KIAA0040: variants seen among roughly 807,000 people sequenced by gnomAD.
The protein encoded by KIAA0040 is uncharacterized protein KIAA0040.
A neutral mutation model predicts 7.2 loss-of-function variants in KIAA0040; 10 were observed. The observed-to-expected ratio is 1.38, with a 90% CI of 0.85 to 2.34. The LOEUF is 2.34. Among genes scored for constraint, KIAA0040 ranks in the 30% most tolerant of loss-of-function variants. KIAA0040 has a pLI of 0.00. For missense variants in KIAA0040, 89 were observed against 108.2 expected, an observed-to-expected ratio of 0.82 and a Z score of 0.79; for synonymous variants, 49 against 40.1, an observed-to-expected ratio of 1.22 and a Z score of -0.84.
intron 1 of KIAA0040, among the ~76,000 whole-genome samples, chr1:175,192,341 C>G (rs1264273947): frequency 6.6e-6 from 1 of 152,174 alleles, no homozygotes; most frequent in African/African-American, 2.4e-5. Flanking sequence ...TTCCATGTGT[C>G]CCCTTCAAAG....
chr1:175,164,296 T>C (rs954610232), intron 3 of KIAA0040, among the ~76,000 whole-genome samples: 1 of 152,240 alleles, frequency 6.6e-6, no homozygotes, highest in African/African-American at 2.4e-5. Context: ...TTTCATGCAC[T>C]GTTGGGTGTT....
chr1:175,162,449 C>T (rs1001087629), intron 3 of KIAA0040, among the ~76,000 whole-genome samples: 4 of 152,012 alleles, frequency 2.6e-5, no homozygotes, highest in Admixed American at 6.5e-5. Context: ...CAGCACTCTC[C>T]GCAGGCTGCC....
chr1:175,158,244 T>A lies in KIAA0040; in HGVS notation c.*2470A>T, dbSNP rs1320155997. ...CCATTCTGGGTTTGGCTCTTCTGAGTCATCGGCTGTGGAAGTGACTGAGAA... is the reference window on the plus strand; with the variant it reads ...CCATTCTGGGTTTGGCTCTTCTGAGACATCGGCTGTGGAAGTGACTGAGAA... On this transcript the variant is annotated 3_prime_UTR_variant, in exon 4 of 4. Coordinates refer to ENST00000423313, the MANE Select transcript of KIAA0040 (RefSeq NM_014656.3). 1 of 152,278 alleles carries A rather than the reference T, an allele frequency of 6.6e-6. No individual in the cohort carries two copies. The highest frequency in any genetic ancestry group is 2.4e-5 in the African/African-American group (1 of 41,408). 9.4% of individuals were successfully genotyped at this position (152,278 alleles called of 1,614,324 possible). A position where few individuals can be genotyped will look rare whatever the true frequency, so the allele number is the denominator to read the frequency against.
At chr1:175,188,338 T>C (rs1677743086) in intron 1 of KIAA0040, among the ~76,000 whole-genome samples, 1 of 152,174 alleles carries the variant, frequency 6.6e-6, no homozygotes, top group South Asian at 2.1e-4. Flanking sequence ...CTCAGACTGA[T>C]GTGGCGGAAA....
At chr1:175,187,856 T>C (rs1222736066) in intron 1 of KIAA0040, among the ~76,000 whole-genome samples, 4 of 152,168 alleles carry the variant, frequency 2.6e-5, no homozygotes, top group Non-Finnish European at 5.9e-5. Flanking sequence ...TTGTATGTTA[T>C]TTTCCTCTCT....
In KIAA0040 at chr1:175,160,709, C is replaced by A; in HGVS notation, c.*5G>T. On this transcript the variant is annotated 3_prime_UTR_variant, in exon 4 of 4. Coordinates refer to ENST00000423313, the MANE Select transcript of KIAA0040 (RefSeq NM_014656.3). ...AGAAAGGAAACACCTCTGCTTCCTG[C>A]CTAACTAAACAGGCAGTGATGGTCT... 1 of 1,542,450 alleles carries A rather than the reference C, an allele frequency of 6.5e-7. No individual in the cohort carries two copies.
At position 175,158,635 on chromosome 1, in the gene KIAA0040, C is replaced by T. The variant is rs2685; in HGVS notation, c.*2079G>A. 0.4 allele frequency: 61,283 copies of T among 151,992 alleles called. 12,759 individuals are homozygous for T. The highest frequency in any genetic ancestry group is 0.45 in the Non-Finnish European group (30,631 of 67,978). The allele number at this position is 151,992 out of a possible 1,614,324, so 9.4% of individuals were successfully genotyped here. On this transcript the variant is annotated 3_prime_UTR_variant, in exon 4 of 4. Coordinates refer to ENST00000423313, the MANE Select transcript of KIAA0040 (RefSeq NM_014656.3). The stretch of plus-strand genomic sequence containing the variant: ...GGTTTGGTGCAGGCAGATGGCAAGT[C>T]ATTCTGTTATGTGAAGGGCACAGCC...
intron 1 of KIAA0040, among the ~76,000 whole-genome samples, chr1:175,186,562 A>C (rs1485369583): frequency 1.3e-5 from 2 of 152,220 alleles, no homozygotes. Context: ...GGAGGACTGC[A>C]GTGCCTCTGT....
chr1:175,177,695 A>G lies in KIAA0040; in HGVS notation c.-383-11T>C, dbSNP rs975485860. ...AAAATGGGGAACAATCTAGAAGAAT[A>G]CACAAGAAAATGATAGCATGTACTG... On this transcript the variant is annotated splice_polypyrimidine_tract_variant and intron_variant, in intron 1 of 3. Transcript: ENST00000423313. The G allele has an allele frequency of 7.9e-5, 12 of 152,226 alleles. No individual in the cohort carries two copies. Among genetic ancestry groups the G allele is most frequent in the Non-Finnish European group, 1.6e-4 (11 of 68,028 alleles). The allele number at this position is 152,226 out of a possible 1,614,324, so 9.4% of individuals were successfully genotyped here.
chr1:175,162,813 A>G (rs984620679), intron 3 of KIAA0040, among the ~76,000 whole-genome samples: 10 of 152,174 alleles, frequency 6.6e-5, no homozygotes, highest in Admixed American at 1.3e-4. Flanking sequence ...CTCTCATGGC[A>G]TTATTTACAT....
chr1:175,188,194 G>A (rs377201798), intron 1 of KIAA0040, among the ~76,000 whole-genome samples: 2 of 152,190 alleles, frequency 1.3e-5, no homozygotes, highest in African/African-American at 2.4e-5. Flanking sequence ...TTTGGATGCC[G>A]CCATGTCCCT....
rs895587986 is a variant in KIAA0040 at position 175,161,023 on chromosome 1, C to T, written c.-10G>A. Reference sequence around the variant, plus strand: ...CACTGATTCTCTCCATGGTGCTTGGCTAGATTAGGGCCAGAGAACCCTCTC... The same window carrying T: ...CACTGATTCTCTCCATGGTGCTTGGTTAGATTAGGGCCAGAGAACCCTCTC... On this transcript the variant is annotated 5_prime_UTR_variant, in exon 4 of 4. Transcript: ENST00000423313. The T allele has an allele frequency of 4.5e-6, 7 of 1,545,600 alleles. No homozygotes were observed. The African/African-American group carries it at 8.2e-5, about 18-fold the overall frequency.
intron 1 of KIAA0040, among the ~76,000 whole-genome samples, chr1:175,183,904 A>G (rs566667910): frequency 6.6e-6 from 1 of 152,290 alleles, no homozygotes; most frequent in East Asian, 1.9e-4. Context: ...AAAATTCCCC[A>G]AAGCCTCTAG....
chr1:175,174,391 A>T (rs1419566295), intron 2 of KIAA0040, among the ~76,000 whole-genome samples: 1 of 152,200 alleles, frequency 6.6e-6, no homozygotes, highest in African/African-American at 2.4e-5. Context: ...GCAATTAAGC[A>T]AGGAGTCAGA....
chr1:175,172,100 C>T (rs1431099288), intron 2 of KIAA0040, among the ~76,000 whole-genome samples: 1 of 152,210 alleles, frequency 6.6e-6, no homozygotes, highest in Non-Finnish European at 1.5e-5. Context: ...TTTCTTCTTT[C>T]CTTCCTTTTC....
At chr1:175,186,302 A>T (rs1404830942) in intron 1 of KIAA0040, among the ~76,000 whole-genome samples, 2 of 152,282 alleles carry the variant, frequency 1.3e-5, no homozygotes, top group Non-Finnish European at 2.9e-5. Context: ...TGTTTGAGAA[A>T]TATAAAATGT....
intron 3 of KIAA0040, among the ~76,000 whole-genome samples, chr1:175,164,840 CA>C (rs5778837): frequency 0.57 from 86,047 of 152,052 alleles, 24,803 homozygotes; most frequent in East Asian, 0.86. Context: ...AGAAAACAAT[CA>C]AATATCTCCT....
chr1:175,188,334 C>A (rs902588220), intron 1 of KIAA0040, among the ~76,000 whole-genome samples: 1 of 152,194 alleles, frequency 6.6e-6, no homozygotes, highest in African/African-American at 2.4e-5. Context: ...ATGGCTCAGA[C>A]TGATGTGGCG....
At chr1:175,173,816 T>C (rs1311945513) in intron 2 of KIAA0040, among the ~76,000 whole-genome samples, 3 of 152,218 alleles carry the variant, frequency 2.0e-5, no homozygotes, top group Non-Finnish European at 4.4e-5. Flanking sequence ...TATAACTCCA[T>C]ATATGCTGGG....
Sources: gnomAD v4.1 joint callset for allele counts (sites outside exome capture counted in the v4.1 genomes callset) on GRCh38, gnomAD v4.1.1 for gene constraint, MANE v1.5 for transcripts, NCBI Gene and HGNC (gene_info 2026-07-23, HGNC 2026-07-21) for gene names.